Variants in CCSER1 observed in about 807,000 individuals in gnomAD.
The protein encoded by CCSER1 is coiled-coil serine rich protein 1, also known as serine-rich coiled-coil domain-containing protein 1.
CCSER1 carries 41 observed loss-of-function variants against 82.0 expected under a neutral mutation model. The observed-to-expected ratio is 0.50, with a 90% CI of 0.39 to 0.65. CCSER1 has a LOEUF of 0.65. CCSER1 is among the 30% of genes least tolerant of loss of function. CCSER1 has a pLI of 0.00. For synonymous variants in CCSER1, 414 were observed against 383.9 expected, an observed-to-expected ratio of 1.08 and a Z score of -0.92; for missense variants, 1,119 against 1,064.2, an observed-to-expected ratio of 1.05 and a Z score of -0.72.
intron 10 of CCSER1, among the ~76,000 whole-genome samples, chr4:91,357,694 T>C (rs1224984495): frequency 2.6e-5 from 4 of 152,106 alleles, no homozygotes; most frequent in Admixed American, 1.3e-4. Flanking sequence ...TTTTAAATTA[T>C]ACAACATTTT....
chr4:91,551,282 ATAGAT>A (rs535186137), intron 10 of CCSER1, among the ~76,000 whole-genome samples: 3 of 152,266 alleles, frequency 2.0e-5, no homozygotes, highest in Non-Finnish European at 4.4e-5. Flanking sequence ...CAGTGCCTTT[ATAGAT>A]TAAAGGAAAA....
At chr4:91,574,639 G>A (rs1251254626) in intron 10 of CCSER1, among the ~76,000 whole-genome samples, 3 of 151,926 alleles carry the variant, frequency 2.0e-5, no homozygotes, top group Admixed American at 2.0e-4. Flanking sequence ...AATTATTGCA[G>A]GAATAGAAAA....
At chr4:91,509,514 G>T (rs1759709433) in intron 10 of CCSER1, among the ~76,000 whole-genome samples, 1 of 152,030 alleles carries the variant, frequency 6.6e-6, no homozygotes. Context: ...ATATTCTGGA[G>T]AACCCTTTGG....
intron 5 of CCSER1, among the ~76,000 whole-genome samples, chr4:90,505,132 A>G (rs774939106): frequency 1.3e-5 from 2 of 152,240 alleles, no homozygotes; most frequent in Non-Finnish European, 2.9e-5. Context: ...AATGAAATAA[A>G]CATAAGCATG....
At chr4:90,451,011 T>G (rs1761382128) in intron 4 of CCSER1, among the ~76,000 whole-genome samples, 1 of 152,180 alleles carries the variant, frequency 6.6e-6, no homozygotes, top group Non-Finnish European at 1.5e-5. Context: ...GAGTAATCCA[T>G]GGAATATGAG....
rs546896220 is a variant in CCSER1 at position 90,628,388 on chromosome 4, G to A, written c.1932+156G>A. On this transcript the variant is annotated intron_variant, in intron 6 of 10. Transcript: ENST00000509176. ...TTAGCTATTTTCATATGTCAAATGA[G>A]TGTTTTGAAGTTCTGGTTTATAAGG... 2.0e-5 allele frequency among the ~76,000 whole-genome samples: 3 copies of A among 152,260 alleles called. No homozygotes were observed. In the East Asian group the frequency reaches 5.8e-4, roughly 29 times the overall value.
chr4:91,490,961 A>G (rs2110069626), intron 10 of CCSER1, among the ~76,000 whole-genome samples: 1 of 126,262 alleles, frequency 7.9e-6, no homozygotes, highest in East Asian at 2.5e-4. Flanking sequence ...CATAAAAATT[A>G]AAAATTAAAA....
intron 1 of CCSER1, among the ~76,000 whole-genome samples, chr4:90,254,608 G>C (rs1161927729): frequency 1.3e-5 from 2 of 152,058 alleles, no homozygotes; most frequent in Non-Finnish European, 2.9e-5. Flanking sequence ...AAAGGCTGGT[G>C]ATCAGCTCCT....
chr4:90,700,997 A>G (rs1737982894), intron 6 of CCSER1, among the ~76,000 whole-genome samples: 1 of 151,982 alleles, frequency 6.6e-6, no homozygotes, highest in African/African-American at 2.4e-5. Context: ...GTTAGATCCC[A>G]TTTGTCAATT....
At chr4:91,330,173 C>G (rs1056117551) in intron 10 of CCSER1, among the ~76,000 whole-genome samples, 1 of 152,064 alleles carries the variant, frequency 6.6e-6, no homozygotes, top group African/African-American at 2.4e-5. Flanking sequence ...ATTTCATTAT[C>G]CAGAGCTAAG....
At chr4:91,160,247 A>G (rs1731246319) in intron 10 of CCSER1, among the ~76,000 whole-genome samples, 2 of 152,308 alleles carry the variant, frequency 1.3e-5, no homozygotes, top group South Asian at 4.2e-4. Flanking sequence ...ATGGCTGCAT[A>G]GTATTCCATG....
chr4:90,421,046 GAAT>G (rs1343735865), intron 4 of CCSER1, among the ~76,000 whole-genome samples: 1 of 152,002 alleles, frequency 6.6e-6, no homozygotes, highest in Non-Finnish European at 1.5e-5. Flanking sequence ...TCTTCTAAAG[GAAT>G]AGAATATTTA....
At chr4:91,381,954 T>A (rs2149338865) in intron 10 of CCSER1, among the ~76,000 whole-genome samples, 1 of 151,944 alleles carries the variant, frequency 6.6e-6, no homozygotes, top group Non-Finnish European at 1.5e-5. Flanking sequence ...TTAGTTTTCC[T>A]TCTAACAGTC....
intron 9 of CCSER1, among the ~76,000 whole-genome samples, chr4:90,929,212 A>T (rs1197669067): frequency 1.3e-5 from 2 of 152,084 alleles, no homozygotes; most frequent in African/African-American, 4.8e-5. Context: ...TTTAGAAAGC[A>T]CTCAATGATT....
chr4:91,602,243 T>C lies in CCSER1; in HGVS notation c.*3186T>C, dbSNP rs1764841362. Among the ~76,000 whole-genome samples the C allele has an allele frequency of 6.6e-6, 1 of 152,100 alleles. No individual in the cohort carries two copies. Among genetic ancestry groups the C allele is most frequent in the Non-Finnish European group, 1.5e-5 (1 of 67,946 alleles). On this transcript the variant is annotated 3_prime_UTR_variant, in exon 11 of 11. Coordinates refer to ENST00000509176, the MANE Select transcript of CCSER1 (RefSeq NM_001145065.2). ...GATTTTCATGATTAATCTGGGTTTA[T>C]GATTTAATCCTAACTCATTGTCATT... is the stretch of plus-strand genomic sequence containing the variant.
At chr4:90,262,144 A>AT (rs148383637) in intron 1 of CCSER1, among the ~76,000 whole-genome samples, 6,495 of 151,830 alleles carry the variant, frequency 0.043, 358 homozygotes, top group African/African-American at 0.13. Flanking sequence ...AGCTTCTGTG[A>AT]TTTTTTGGGG....
At chr4:91,406,814 G>T (rs558263210) in intron 10 of CCSER1, among the ~76,000 whole-genome samples, 137 of 152,100 alleles carry the variant, frequency 9.0e-4, no homozygotes, top group African/African-American at 3.1e-3. Context: ...TAAAACTTGA[G>T]GCACTAGACA....
intron 7 of CCSER1, chr4:90,781,730 A>G (rs891345954): frequency 6.2e-6 from 6 of 968,694 alleles, no homozygotes; most frequent in Non-Finnish European, 7.4e-6. Flanking sequence ...TTATATAGCC[A>G]TTGTTTGCAA....
chr4:90,921,822 T>G (rs1234688122), intron 8 of CCSER1, among the ~76,000 whole-genome samples: 1 of 152,094 alleles, frequency 6.6e-6, no homozygotes, highest in Non-Finnish European at 1.5e-5. Context: ...CTTATGATTC[T>G]AATCTATCTC....
Sources: allele counts gnomAD v4.1 joint callset (sites outside exome capture counted in the v4.1 genomes callset), GRCh38; gene constraint gnomAD v4.1.1; transcripts MANE v1.5; gene names NCBI Gene and HGNC (gene_info 2026-07-23, HGNC 2026-07-21).